Variants in NHSL2 observed in about 807,000 individuals in gnomAD.
NHSL2 encodes NHS like 2.
NHSL2 carries 27 observed loss-of-function variants against 53.4 expected under a neutral mutation model. That is an observed-to-expected ratio of 0.51 (90% CI 0.37 to 0.70). The LOEUF (loss-of-function observed/expected upper bound fraction) is 0.70. Among genes scored for constraint, NHSL2 ranks in the 30% least tolerant of loss-of-function variants. NHSL2 has a pLI of 0.00. For synonymous variants in NHSL2, 408 were observed against 404.1 expected (o/e 1.01, Z -0.12); for missense variants, 892 against 980.1 (o/e 0.91, Z 1.20).
intron 1 of NHSL2, among the ~76,000 whole-genome samples, chrX:72,031,071 C>G (rs1485712539): frequency 2.7e-5 from 3 of 111,983 alleles, no homozygotes; most frequent in African/African-American, 9.7e-5. Flanking sequence ...TTCTATCCCT[C>G]AAGGAGCTTA....
intron 1 of NHSL2, among the ~76,000 whole-genome samples, chrX:71,964,025 GTGTATA>G (rs1278408990): frequency 1.3e-3 from 8 of 6,277 alleles, no homozygotes; most frequent in African/African-American, 2.6e-3. Context: ...ATATATATAT[GTGTATA>G]TATATATATA....
intron 1 of NHSL2, among the ~76,000 whole-genome samples, chrX:72,017,692 G>T (rs1216538431): frequency 8.9e-6 from 1 of 112,399 alleles, no homozygotes; most frequent in African/African-American, 3.2e-5. Flanking sequence ...TGGTCCTCAA[G>T]GCAGGAATGG....
chrX:72,075,866 G>T (rs2041736721), intron 1 of NHSL2, among the ~76,000 whole-genome samples: 1 of 109,598 alleles, frequency 9.1e-6, no homozygotes, highest in Non-Finnish European at 1.9e-5. Flanking sequence ...CAATGAGGCG[G>T]TGAGAGGGAT....
At chrX:72,113,818 A>G (rs1207339352) in intron 1 of NHSL2, among the ~76,000 whole-genome samples, 1 of 112,155 alleles carries the variant, frequency 8.9e-6, no homozygotes, top group African/African-American at 3.2e-5. Context: ...TCAGAAGGTG[A>G]TCTGGATGGT....
intron 1 of NHSL2, among the ~76,000 whole-genome samples, chrX:72,072,719 G>A (rs775884116): frequency 1.5e-4 from 17 of 112,002 alleles, no homozygotes; most frequent in Non-Finnish European, 3.0e-4. Context: ...AATTAATAAA[G>A]TTCATCACCC....
At chrX:72,074,403 C>G (rs1156488245) in intron 1 of NHSL2, among the ~76,000 whole-genome samples, 1 of 112,117 alleles carries the variant, frequency 8.9e-6, no homozygotes, top group Non-Finnish European at 1.9e-5. Flanking sequence ...TCCTAAAGAC[C>G]TATTTTCTAG....
intron 1 of NHSL2, among the ~76,000 whole-genome samples, chrX:71,968,136 A>G (rs1385003544): frequency 9.2e-6 from 1 of 109,240 alleles, no homozygotes; most frequent in Non-Finnish European, 1.9e-5. Flanking sequence ...ATCTGGGACC[A>G]CAGGCACACA....
At chrX:72,007,951 T>C (rs2042101235) in intron 1 of NHSL2, among the ~76,000 whole-genome samples, 1 of 112,801 alleles carries the variant, frequency 8.9e-6, no homozygotes, top group Admixed American at 9.3e-5. Flanking sequence ...TTTCTCCAGT[T>C]TCCAGCTGGG....
chrX:72,011,477 G>A (rs1030164680), intron 1 of NHSL2, among the ~76,000 whole-genome samples: 3 of 111,833 alleles, frequency 2.7e-5, no homozygotes, highest in African/African-American at 9.8e-5. Flanking sequence ...CAAGACCATC[G>A]TGGCCAACAC....
At chrX:72,055,546 G>T (rs1174474103) in intron 1 of NHSL2, among the ~76,000 whole-genome samples, 1 of 111,899 alleles carries the variant, frequency 8.9e-6, no homozygotes, top group African/African-American at 3.3e-5. Flanking sequence ...TTCCAAAAAG[G>T]GTTTAAGGTG....
rs865871719 is a variant in NHSL2, at chrX:72,140,598, C to G, written c.3050C>G (p.Ser1017Cys). ...AGCGTGCTGTACCTGCCTCTCACTT[C>G]TCCCACAGCTCAAATGGAGGCCTAT... ...KPSVLYLPLT[S>C]PTAQMEAYVA... Residue 1017 changes from serine (S) to cysteine (C), a missense_variant, in exon 6 of 8, where the codon TCT (serine) becomes TGT (cysteine). Transcript: ENST00000633930. The G allele has an allele frequency of 4.1e-6, 5 of 1,211,947 alleles. No homozygotes were observed. The Middle Eastern group carries it at 6.9e-4, about 167-fold the overall frequency.
chrX:72,130,070 C>A, intron 1 of NHSL2: 1 of 1,211,126 alleles, frequency 8.3e-7, no homozygotes, highest in Non-Finnish European at 1.1e-6. Context: ...AGGAAGTTTT[C>A]GGCGTGGTAA....
Position 72,147,788 on chromosome X carries a change from C to G in NHSL2, c.*4214C>G, listed in dbSNP as rs1569485205. 8.9e-6 allele frequency: 1 copy of G among 111,888 alleles called. No individual in the cohort carries two copies. Among genetic ancestry groups the G allele is most frequent in the Non-Finnish European group, 1.9e-5 (1 of 53,227 alleles). The allele number at this position is 111,888 out of a possible 1,213,427, so 9.2% of individuals were successfully genotyped here. ...CTTCTCCTCCTAAGAAAAACCTGCTCTCAGGAAAGGGATAAATTCATTTAC... is the reference window on the plus strand; with the variant it reads ...CTTCTCCTCCTAAGAAAAACCTGCTGTCAGGAAAGGGATAAATTCATTTAC... On this transcript the variant is annotated 3_prime_UTR_variant, in exon 8 of 8. Transcript: ENST00000633930.
intron 1 of NHSL2, among the ~76,000 whole-genome samples, chrX:72,017,151 G>A (rs965307455): frequency 1.8e-5 from 2 of 112,015 alleles, no homozygotes; most frequent in Admixed American, 1.9e-4. Flanking sequence ...AGGGGAAGAC[G>A]GGCTGGGTAG....
At chrX:72,002,126 C>G (rs909692606) in intron 1 of NHSL2, among the ~76,000 whole-genome samples, 5 of 112,120 alleles carry the variant, frequency 4.5e-5, no homozygotes, top group African/African-American at 1.6e-4. Flanking sequence ...GCCCCCAAGA[C>G]AGTAGTTAGC....
At chrX:72,081,093 C>G (rs997800095) in intron 1 of NHSL2, among the ~76,000 whole-genome samples, 1 of 112,518 alleles carries the variant, frequency 8.9e-6, no homozygotes. Context: ...TTAGTTGGCC[C>G]TTTGCATCAG....
chrX:71,916,092 G>A (rs761560330), intron 1 of NHSL2, among the ~76,000 whole-genome samples: 120 of 111,850 alleles, frequency 1.1e-3, no homozygotes, highest in African/African-American at 3.7e-3. Context: ...TGGCTGGCCA[G>A]TGACCCTGAC....
chrX:72,063,864 G>A (rs1294204510), intron 1 of NHSL2, among the ~76,000 whole-genome samples: 1 of 110,678 alleles, frequency 9.0e-6, no homozygotes, highest in Non-Finnish European at 1.9e-5. Flanking sequence ...GACTATTTAC[G>A]TTTGGGAAGA....
intron 1 of NHSL2, chrX:72,130,790 G>C (rs758522673): frequency 4.1e-6 from 5 of 1,210,051 alleles, no homozygotes; most frequent in African/African-American, 3.5e-5. Flanking sequence ...TAGCTGCCGA[G>C]GGTACAGTGG....
Sources: gnomAD v4.1 joint callset for allele counts (sites outside exome capture counted in the v4.1 genomes callset) on GRCh38, gnomAD v4.1.1 for gene constraint, MANE v1.5 for transcripts, NCBI Gene and HGNC (gene_info 2026-07-23, HGNC 2026-07-21) for gene names.